SMAP1: variants seen among roughly 807,000 people sequenced by gnomAD.
The protein encoded by SMAP1 is stromal membrane-associated protein 1.
A neutral mutation model predicts 58.5 loss-of-function variants in SMAP1; 24 were observed. The ratio of observed to expected loss-of-function variants is 0.41; its 90% CI spans 0.30 to 0.58. SMAP1 has a LOEUF of 0.58. Ranked by LOEUF, SMAP1 falls within the 20% of genes least tolerant of loss-of-function variation. The pLI is 0.29. For synonymous variants in SMAP1, 216 were observed against 196.6 expected (o/e 1.10, Z -0.82); for missense variants, 563 against 566.3 (o/e 0.99, Z 0.06).
At chr6:70,744,408 G>A (rs914993743) in intron 2 of SMAP1, among the ~76,000 whole-genome samples, 1 of 152,018 alleles carries the variant, frequency 6.6e-6, no homozygotes, top group Admixed American at 6.6e-5. Flanking sequence ...CCACCTATGA[G>A]TGAGAACATA....
chr6:70,721,852 T>C (rs1768541742), intron 1 of SMAP1, among the ~76,000 whole-genome samples: 1 of 152,060 alleles, frequency 6.6e-6, no homozygotes, highest in Non-Finnish European at 1.5e-5. Flanking sequence ...TTATTAACTA[T>C]AACGAAAATA....
At chr6:70,695,843 A>G (rs1489241268) in intron 1 of SMAP1, among the ~76,000 whole-genome samples, 1 of 152,170 alleles carries the variant, frequency 6.6e-6, no homozygotes, top group African/African-American at 2.4e-5. Context: ...TAGTTTGAGT[A>G]GGATTGGTAT....
intron 4 of SMAP1, among the ~76,000 whole-genome samples, chr6:70,788,150 G>A (rs1223895600): frequency 6.6e-6 from 1 of 151,908 alleles, no homozygotes; most frequent in Middle Eastern, 3.4e-3. Context: ...GTCCTTTGTA[G>A]GGACATGGAT....
In SMAP1 at chr6:70,860,773, T is replaced by C. The variant is rs1278364418; in HGVS notation, c.*439T>C. The C allele has an allele frequency of 4.3e-5, 17 of 399,432 alleles. No homozygotes were observed. The East Asian group carries it at 6.1e-4, about 14-fold the overall frequency. The allele number at this position is 399,432 out of a possible 1,614,324, so 24.7% of individuals were successfully genotyped here. A position where few individuals can be genotyped will look rare whatever the true frequency, so the allele number is the denominator to read the frequency against. On this transcript the variant is annotated 3_prime_UTR_variant, in exon 11 of 11. Transcript: ENST00000370455. The stretch of plus-strand genomic sequence containing the variant: ...TTTAATCATATAAATAGAATGTAAA[T>C]GTCTCACTGAGCACTGTTTTCTAGT...
chr6:70,694,594 T>G (rs912520527), intron 1 of SMAP1: 2 of 152,680 alleles, frequency 1.3e-5, no homozygotes, highest in African/African-American at 4.8e-5. Flanking sequence ...CTCACTTCCT[T>G]GGACCTAGCC....
At chr6:70,739,393 A>C (rs944295655) in intron 2 of SMAP1, among the ~76,000 whole-genome samples, 3 of 152,186 alleles carry the variant, frequency 2.0e-5, no homozygotes, top group Non-Finnish European at 4.4e-5. Flanking sequence ...AAAATGATAT[A>C]ACTGGCTCAC....
intron 7 of SMAP1, among the ~76,000 whole-genome samples, chr6:70,842,372 G>A (rs1370760080): frequency 6.6e-6 from 1 of 152,144 alleles, no homozygotes; most frequent in East Asian, 1.9e-4. Context: ...GAATATATTG[G>A]TGTAAGGTAA....
chr6:70,718,137 AG>A (rs1481865291), intron 1 of SMAP1, among the ~76,000 whole-genome samples: 1 of 152,014 alleles, frequency 6.6e-6, no homozygotes, highest in Non-Finnish European at 1.5e-5. Context: ...ACTGGCAACC[AG>A]GCATGCACAC....
intron 1 of SMAP1, among the ~76,000 whole-genome samples, chr6:70,679,666 C>T (rs1057328394): frequency 1.2e-4 from 18 of 152,062 alleles, no homozygotes; most frequent in African/African-American, 2.7e-4. Context: ...TAACAAAATA[C>T]GTGCAAGACC....
intron 3 of SMAP1, among the ~76,000 whole-genome samples, chr6:70,758,862 A>G (rs1766628880): frequency 6.6e-6 from 1 of 152,126 alleles, no homozygotes; most frequent in Admixed American, 6.6e-5. Flanking sequence ...GGAATTCATT[A>G]CCAGCAGGAG....
At chr6:70,810,631 C>A (rs1212878667) in intron 6 of SMAP1, among the ~76,000 whole-genome samples, 1 of 152,080 alleles carries the variant, frequency 6.6e-6, no homozygotes, top group East Asian at 1.9e-4. Context: ...GGCTGGAGGG[C>A]AGTGGTGTGA....
At chr6:70,729,461 G>T (rs867345431) in intron 1 of SMAP1, among the ~76,000 whole-genome samples, 1 of 135,530 alleles carries the variant, frequency 7.4e-6, no homozygotes, top group East Asian at 2.1e-4. Flanking sequence ...AAAGAAGGTT[G>T]TGTGTGTGTG....
At chr6:70,854,437 C>T (rs934278910) in intron 8 of SMAP1, among the ~76,000 whole-genome samples, 1 of 152,108 alleles carries the variant, frequency 6.6e-6, no homozygotes, top group Non-Finnish European at 1.5e-5. Flanking sequence ...GCCTGGCCAA[C>T]ATGGTGAAAC....
chr6:70,694,124 T>C, intron 1 of SMAP1: 1 of 327,646 alleles, frequency 3.1e-6, no homozygotes, highest in Non-Finnish European at 6.0e-6. Flanking sequence ...TGTGGTGGAT[T>C]TTCTGTTTAC....
chr6:70,850,150 A>G (rs1022709902), intron 7 of SMAP1, among the ~76,000 whole-genome samples: 18 of 152,206 alleles, frequency 1.2e-4, no homozygotes, highest in African/African-American at 3.9e-4. Flanking sequence ...AATTTCGGAA[A>G]GCTGTACAGT....
chr6:70,763,285 G>A (rs911040709), intron 3 of SMAP1, among the ~76,000 whole-genome samples: 1 of 151,888 alleles, frequency 6.6e-6, no homozygotes, highest in Admixed American at 6.6e-5. Context: ...ATGGTGATCT[G>A]TCATCAGTGA....
In SMAP1 at chr6:70,776,755, T is replaced by G. The variant is rs1767563831; in HGVS notation, c.414+3330T>G. ...AGAACACGTGGCATTTATCCTTCTGTGCCTGACTTATTTTACTTAGCATAA... is the reference window on the plus strand; with the variant it reads ...AGAACACGTGGCATTTATCCTTCTGGGCCTGACTTATTTTACTTAGCATAA... On this transcript the variant is annotated intron_variant, in intron 4 of 10. Coordinates refer to ENST00000370455, the MANE Select transcript of SMAP1 (RefSeq NM_001044305.3). Among the ~76,000 whole-genome samples the G allele has an allele frequency of 2.0e-5, 3 of 152,326 alleles. No individual in the cohort carries two copies. The South Asian group carries it at 6.2e-4, about 32-fold the overall frequency.
At chr6:70,748,734 A>T (rs1029530763) in intron 2 of SMAP1, among the ~76,000 whole-genome samples, 2 of 152,108 alleles carry the variant, frequency 1.3e-5, no homozygotes, top group Non-Finnish European at 2.9e-5. Flanking sequence ...GGAATAGAAA[A>T]TATGTGGACA....
chr6:70,837,575 G>T (rs1390156584), intron 7 of SMAP1, among the ~76,000 whole-genome samples: 1 of 151,720 alleles, frequency 6.6e-6, no homozygotes, highest in South Asian at 2.1e-4. Context: ...TGGCTGAAAG[G>T]TATATATTGT....
Sources: gnomAD v4.1 joint callset for allele counts (sites outside exome capture counted in the v4.1 genomes callset) on GRCh38, gnomAD v4.1.1 for gene constraint, MANE v1.5 for transcripts, NCBI Gene and HGNC (gene_info 2026-07-23, HGNC 2026-07-21) for gene names.